Variants in SEMA3A observed in about 807,000 individuals in gnomAD.
SEMA3A encodes semaphorin 3A, also known as semaphorin-3A.
A neutral mutation model predicts 97.9 loss-of-function variants in SEMA3A; 29 were observed. The observed-to-expected ratio is 0.30, with a 90% CI of 0.22 to 0.40. The LOEUF is 0.40. Ranked by LOEUF, SEMA3A falls within the 10% of genes least tolerant of loss-of-function variation. SEMA3A has a pLI of 1.00. For missense variants in SEMA3A, 763 were observed against 951.3 expected (o/e 0.80, Z 2.60); for synonymous variants, 321 against 323.7 (o/e 0.99, Z 0.09).
chr7:84,451,457 C>A (rs924991838), intron 1 of SEMA3A, among the ~76,000 whole-genome samples: 2 of 152,028 alleles, frequency 1.3e-5, no homozygotes, highest in African/African-American at 4.8e-5. Flanking sequence ...TGTTTATAGC[C>A]CTAAAATATT....
intron 1 of SEMA3A, among the ~76,000 whole-genome samples, chr7:84,427,318 G>T (rs1017103803): frequency 6.6e-6 from 1 of 151,976 alleles, no homozygotes; most frequent in African/African-American, 2.4e-5. Context: ...AATTACAAAG[G>T]CTTGAAACAA....
At chr7:84,315,596 T>TA (rs990235156) in intron 2 of SEMA3A, among the ~76,000 whole-genome samples, 4 of 151,884 alleles carry the variant, frequency 2.6e-5, no homozygotes, top group African/African-American at 7.2e-5. Context: ...CATCCTCTCT[T>TA]AAAAAAAAGA....
chr7:84,175,748 G>C (rs914864685), intron 1 of SEMA3A, among the ~76,000 whole-genome samples: 16 of 135,592 alleles, frequency 1.2e-4, no homozygotes, highest in Non-Finnish European at 6.4e-5. Context: ...TTTTTTCCCT[G>C]TCTGTTATCA....
chr7:84,318,987 G>T lies in SEMA3A; in HGVS notation c.-168-11695C>A, dbSNP rs572555072. Among the ~76,000 whole-genome samples the T allele has an allele frequency of 9.9e-5, 15 of 152,256 alleles. No individual in the cohort carries two copies. In the East Asian group the frequency reaches 1.4e-3, roughly 14 times the overall value. On this transcript the variant is annotated intron_variant, in intron 2 of 3. Coordinates refer to the SEMA3A transcript ENST00000424555. ...TTTGTCATGTATCAGGCACCAAGGC[G>T]CAGAGGTAAGAATAACAGCAGCTAC...
chr7:84,046,495 A>T (rs1020481288), intron 5 of SEMA3A, 52 bp from the exon 6 acceptor site: 2 of 1,582,432 alleles, frequency 1.3e-6, no homozygotes, highest in Non-Finnish European at 1.7e-6. Context: ...TAAGGCAAAA[A>T]CAAAACAAAA....
At chr7:84,369,517 T>C (rs931361438) in intron 2 of SEMA3A, among the ~76,000 whole-genome samples, 5 of 151,214 alleles carry the variant, frequency 3.3e-5, no homozygotes, top group Non-Finnish European at 3.0e-5. Flanking sequence ...AAGAAGAATC[T>C]AGTCTTCAGA....
chr7:84,444,624 C>A (rs373371731), intron 1 of SEMA3A, among the ~76,000 whole-genome samples: 2 of 149,582 alleles, frequency 1.3e-5, no homozygotes, highest in African/African-American at 4.9e-5. Flanking sequence ...TACAGTGACG[C>A]GATCTCGGCT....
chr7:84,195,422 C>CGTGT (rs34874027), upstream of SEMA3A: 1,154 of 147,880 alleles, frequency 7.8e-3, 36 homozygotes, highest in East Asian at 0.12. Flanking sequence ...TGTATGTGTG[C>CGTGT]GTGTGTGTGT....
intron 1 of SEMA3A, among the ~76,000 whole-genome samples, chr7:84,147,848 T>C (rs1425870447): frequency 6.6e-6 from 1 of 152,088 alleles, no homozygotes; most frequent in Non-Finnish European, 1.5e-5. Flanking sequence ...TAAAAAATAG[T>C]TGTTTACCTC....
At chr7:84,448,165 T>G (rs557860688) in intron 1 of SEMA3A, among the ~76,000 whole-genome samples, 91 of 152,044 alleles carry the variant, frequency 6.0e-4, no homozygotes, top group African/African-American at 2.1e-3. Context: ...CCAGGTCGAG[T>G]TGGAGGAAGG....
At chr7:83,984,186 GAATA>G (rs1391397865) in intron 13 of SEMA3A, among the ~76,000 whole-genome samples, 5 of 152,022 alleles carry the variant, frequency 3.3e-5, no homozygotes, top group African/African-American at 1.2e-4. Context: ...GCCTAGCAGA[GAATA>G]AATAAATAAT....
At chr7:84,422,360 G>C (rs942473859) in intron 1 of SEMA3A, among the ~76,000 whole-genome samples, 3 of 151,714 alleles carry the variant, frequency 2.0e-5, no homozygotes, top group Admixed American at 1.3e-4. Context: ...GATCAGTGGT[G>C]ATATTCCTTT....
At position 84,102,953 on chromosome 7, in the gene SEMA3A, TGG is replaced by T. The variant is rs201617725; in HGVS notation, c.453+7515_453+7516del. 4.1e-3 allele frequency among the ~76,000 whole-genome samples: 621 copies of T among 152,234 alleles called. 2 individuals carry two copies. Among genetic ancestry groups the T allele is most frequent in the East Asian group, 0.017 (89 of 5,182 alleles). On this transcript the variant is annotated intron_variant, in intron 4 of 16. Coordinates refer to ENST00000265362, the MANE Select transcript of SEMA3A (RefSeq NM_006080.3). Reference sequence around the variant, plus strand: ...GCTGTCAGAGTTACCACATATTGTATGGGGGTTTTTTTTGACAGTAACTAAGT... The same window carrying T: ...GCTGTCAGAGTTACCACATATTGTATGGGTTTTTTTTGACAGTAACTAAGT...
chr7:84,295,542 T>C (rs1476285436), intron 3 of SEMA3A, among the ~76,000 whole-genome samples: 2 of 152,068 alleles, frequency 1.3e-5, no homozygotes, highest in Non-Finnish European at 2.9e-5. Context: ...GACTGTGTGA[T>C]TTGGGACAAA....
intron 3 of SEMA3A, among the ~76,000 whole-genome samples, chr7:84,209,626 A>C (rs1184709612): frequency 6.6e-6 from 1 of 152,190 alleles, no homozygotes; most frequent in East Asian, 1.9e-4. Context: ...AATTACTGGC[A>C]ATATTTAATT....
At chr7:83,981,617 T>A in intron 13 of SEMA3A, 139 bp from the exon 14 acceptor site, 1 of 699,186 alleles carries the variant, frequency 1.4e-6, no homozygotes, top group Non-Finnish European at 2.2e-6. Context: ...ATTGCTAATT[T>A]CTTTAAAGGC....
At position 84,359,350 on chromosome 7, in the gene SEMA3A, G is replaced by C. The variant is rs189780661; in HGVS notation, c.-169+12474C>G. Among the ~76,000 whole-genome samples, 2,176 of 151,646 alleles carry C rather than the reference G, an allele frequency of 0.014. 92 individuals are homozygous for C. In the East Asian group the frequency reaches 0.15, roughly 10 times the overall value. On this transcript the variant is annotated intron_variant, in intron 2 of 3. Coordinates refer to the SEMA3A transcript ENST00000424555. Reference sequence around the variant, plus strand: ...TTTATTGAGAGTTTTTAGCATGAAGGGTTGTTGAATTTTGTCAAAGGCCTT... The same window carrying C: ...TTTATTGAGAGTTTTTAGCATGAAGCGTTGTTGAATTTTGTCAAAGGCCTT...
chr7:84,048,526 T>A (rs1245300206), intron 5 of SEMA3A, among the ~76,000 whole-genome samples: 1 of 151,934 alleles, frequency 6.6e-6, no homozygotes, highest in East Asian at 1.9e-4. Flanking sequence ...GGGTCTCAGT[T>A]AAAAGTGCAT....
chr7:84,097,660 A>G (rs1475624529), intron 4 of SEMA3A, among the ~76,000 whole-genome samples: 1 of 152,144 alleles, frequency 6.6e-6, no homozygotes, highest in Non-Finnish European at 1.5e-5. Context: ...ATATGGTTTG[A>G]TTTCTGATAA....
Sources: allele counts gnomAD v4.1 joint callset (sites outside exome capture counted in the v4.1 genomes callset), GRCh38; gene constraint gnomAD v4.1.1; transcripts MANE v1.5; gene names NCBI Gene and HGNC (gene_info 2026-07-23, HGNC 2026-07-21).